DAB1: variants seen among roughly 807,000 people sequenced by gnomAD.
DAB1 encodes the protein disabled homolog 1.
In DAB1, 15 loss-of-function variants were observed where a neutral mutation model predicts 64.6. That is an observed-to-expected ratio of 0.23 (90% CI 0.16 to 0.36). The LOEUF (loss-of-function observed/expected upper bound fraction) is 0.36, where lower values mean the gene tolerates loss of function less well. Ranked by LOEUF, DAB1 falls within the 10% of genes least tolerant of loss-of-function variation. The pLI is 1.00. For missense variants in DAB1, 596 were observed against 706.7 expected (o/e 0.84, Z 1.78); for synonymous variants, 235 against 251.9 (o/e 0.93, Z 0.64).
chr1:58,016,773 G>C (rs1201422427), intron 5 of DAB1, among the ~76,000 whole-genome samples: 1 of 152,138 alleles, frequency 6.6e-6, no homozygotes, highest in Non-Finnish European at 1.5e-5. Flanking sequence ...TATGTACTAT[G>C]TACCAGGTGC....
chr1:58,258,936 A>C (rs1168209868), intron 4 of DAB1, among the ~76,000 whole-genome samples: 1 of 152,176 alleles, frequency 6.6e-6, no homozygotes, highest in Non-Finnish European at 1.5e-5. Context: ...CTTAACACTC[A>C]GTAGATAATT....
At chr1:57,184,601 G>T (rs1053520560) in intron 2 of DAB1, among the ~76,000 whole-genome samples, 3 of 152,066 alleles carry the variant, frequency 2.0e-5, no homozygotes, top group African/African-American at 7.2e-5. Flanking sequence ...GATTCTACAC[G>T]GTGACGACAT....
intron 7 of DAB1, among the ~76,000 whole-genome samples, chr1:57,478,605 T>A: frequency 6.9e-6 from 1 of 144,692 alleles, no homozygotes. Context: ...TTTTTTTTTT[T>A]TTTTTGAGAC....
chr1:57,436,576 A>T (rs1190624219), intron 7 of DAB1, among the ~76,000 whole-genome samples: 1 of 152,206 alleles, frequency 6.6e-6, no homozygotes, highest in Non-Finnish European at 1.5e-5. Flanking sequence ...TATAAACAAG[A>T]TGTTCTGTGT....
intron 1 of DAB1, among the ~76,000 whole-genome samples, chr1:57,404,847 C>T (rs1317249720): frequency 6.6e-6 from 1 of 152,166 alleles, no homozygotes; most frequent in African/African-American, 2.4e-5. Context: ...AAGAGACACA[C>T]ACATTCAAAA....
chr1:57,159,135 G>A (rs1412160032), intron 2 of DAB1, among the ~76,000 whole-genome samples: 1 of 151,452 alleles, frequency 6.6e-6, no homozygotes, highest in Non-Finnish European at 1.5e-5. Context: ...GGTCCTTTTT[G>A]CATTTCTCTG....
chr1:57,121,569 A>AAAGAAAAAG (rs1557759053), intron 4 of DAB1, among the ~76,000 whole-genome samples: 1 of 152,044 alleles, frequency 6.6e-6, no homozygotes, highest in African/African-American at 2.4e-5. Flanking sequence ...AGAAAAAGAA[A>AAAGAAAAAG]AAGAAAAAAG....
chr1:57,029,960 G>T (rs1646915855), intron 9 of DAB1, among the ~76,000 whole-genome samples: 1 of 152,188 alleles, frequency 6.6e-6, no homozygotes, highest in East Asian at 1.9e-4. Context: ...GGGAAGGCAT[G>T]ATTGGTTTTG....
At chr1:58,539,974 C>G (rs528700109) in intron 1 of DAB1, among the ~76,000 whole-genome samples, 1 of 152,152 alleles carries the variant, frequency 6.6e-6, no homozygotes, top group Non-Finnish European at 1.5e-5. Context: ...GAATCCCCCT[C>G]CCATATTCAG....
chr1:58,276,515 A>AGT (rs1661448231), intron 4 of DAB1, among the ~76,000 whole-genome samples: 1 of 152,190 alleles, frequency 6.6e-6, no homozygotes, highest in Non-Finnish European at 1.5e-5. Flanking sequence ...GAGAACAAGC[A>AGT]GTGTGTGTAA....
intron 4 of DAB1, among the ~76,000 whole-genome samples, chr1:57,092,379 T>C (rs1204424601): frequency 6.6e-6 from 1 of 152,000 alleles, no homozygotes; most frequent in Non-Finnish European, 1.5e-5. Context: ...GGGAGGGACC[T>C]GGTAGGAAGT....
At chr1:58,464,165 A>G (rs924246506) in intron 3 of DAB1, among the ~76,000 whole-genome samples, 7 of 152,170 alleles carry the variant, frequency 4.6e-5, no homozygotes, top group African/African-American at 1.4e-4. Flanking sequence ...GCAGAATAGC[A>G]TTTTTGTTGT....
intron 7 of DAB1, among the ~76,000 whole-genome samples, chr1:57,553,296 A>C (rs1644935856): frequency 6.6e-6 from 1 of 150,678 alleles, no homozygotes; most frequent in Admixed American, 6.7e-5. Flanking sequence ...AAAAGATAAG[A>C]GCAGTGGTAA....
At chr1:57,858,607 G>A (rs1392473314) in intron 1 of DAB1, among the ~76,000 whole-genome samples, 1 of 151,806 alleles carries the variant, frequency 6.6e-6, no homozygotes, top group South Asian at 2.1e-4. Flanking sequence ...CCAGGTGCTT[G>A]TTAGGGGGTG....
chr1:57,204,041 C>G (rs1466021361), intron 2 of DAB1, among the ~76,000 whole-genome samples: 4 of 152,038 alleles, frequency 2.6e-5, no homozygotes, highest in African/African-American at 4.8e-5. Context: ...AGGTGCCCAC[C>G]ACCTCTCCTG....
chr1:58,388,736 A>G (rs922145564), intron 3 of DAB1, among the ~76,000 whole-genome samples: 9 of 152,232 alleles, frequency 5.9e-5, no homozygotes, highest in Admixed American at 2.0e-4. Flanking sequence ...TGGCAACAAG[A>G]GAAGTGTTAC....
intron 3 of DAB1, among the ~76,000 whole-genome samples, chr1:58,433,181 C>T (rs548702244): frequency 1.8e-4 from 27 of 152,280 alleles, no homozygotes; most frequent in African/African-American, 5.8e-4. Context: ...GGCAGGATTG[C>T]ACATTTGGTG....
chr1:57,643,216 G>A lies in DAB1; in HGVS notation n.625+6376C>T, dbSNP rs184956783. Among the ~76,000 whole-genome samples the A allele has an allele frequency of 2.0e-5, 3 of 152,226 alleles. No homozygotes were observed. The East Asian group carries it at 5.8e-4, about 29-fold the overall frequency. ...GCACTCACAATTGGCTGCCTATGTT[G>A]CACTTTAAGAATAAGATGTTCCTAC... On this transcript the variant is annotated intron_variant and non_coding_transcript_variant, in intron 7 of 20. Transcript: ENST00000485760.
intron 5 of DAB1, among the ~76,000 whole-genome samples, chr1:58,144,520 C>G (rs1271302813): frequency 6.6e-6 from 1 of 152,212 alleles, no homozygotes; most frequent in East Asian, 1.9e-4. Flanking sequence ...GTGCCAAGCA[C>G]CTTACATGGA....
Sources: allele counts gnomAD v4.1 joint callset (sites outside exome capture counted in the v4.1 genomes callset), GRCh38; gene constraint gnomAD v4.1.1; transcripts MANE v1.5; gene names NCBI Gene and HGNC (gene_info 2026-07-23, HGNC 2026-07-21).